SP100: variants seen among roughly 807,000 people sequenced by gnomAD.
SP100 encodes nuclear autoantigen Sp-100.
In SP100, 84 loss-of-function variants were observed where a neutral mutation model predicts 130.0. The ratio of observed to expected loss-of-function variants is 0.65; its 90% CI spans 0.54 to 0.77. SP100 has a LOEUF of 0.77. Ranked by LOEUF, SP100 falls within the 30% of genes least tolerant of loss-of-function variation. The probability of loss-of-function intolerance (pLI) is 0.00; values close to 1 mark genes in which losing one functional copy is unlikely to be tolerated. For synonymous variants in SP100, 331 were observed against 351.7 expected, an observed-to-expected ratio of 0.94 and a Z score of 0.66; for missense variants, 978 against 1,052.2, an observed-to-expected ratio of 0.93 and a Z score of 0.97.
rs7575705 is a variant in SP100 at position 230,544,686 on chromosome 2, G to C, written c.*1740G>C. ...AGTAGAGACGGGGTTTCTCCACATT[G>C]GTCAGGCTGGTCTTGAACTCCCGAC... On this transcript the variant is annotated 3_prime_UTR_variant, in exon 29 of 29. Transcript: ENST00000340126. Among the ~76,000 whole-genome samples the C allele has an allele frequency of 4.5e-3, 691 of 152,218 alleles. 4 individuals carry two copies. The highest frequency in any genetic ancestry group is 0.016 in the African/African-American group (672 of 41,522).
intron 17 of SP100, among the ~76,000 whole-genome samples, chr2:230,474,720 T>G (rs2065453612): frequency 6.6e-6 from 1 of 152,156 alleles, no homozygotes; most frequent in Non-Finnish European, 1.5e-5. Context: ...GTGTCTCTTG[T>G]TCTCATCTTC....
At chr2:230,436,266 G>A (rs549841967) in intron 2 of SP100, among the ~76,000 whole-genome samples, 20 of 151,718 alleles carry the variant, frequency 1.3e-4, no homozygotes, top group South Asian at 8.3e-4. Context: ...AATGTATGTC[G>A]TTCCAAATAA....
At chr2:230,485,945 A>G (rs1297626746) in intron 17 of SP100, among the ~76,000 whole-genome samples, 4 of 152,238 alleles carry the variant, frequency 2.6e-5, no homozygotes, top group Non-Finnish European at 5.9e-5. Flanking sequence ...TACTTCTGAT[A>G]CTAAGGAAGA....
At position 230,481,024 on chromosome 2, in the gene SP100, TTGG is replaced by T. The variant is rs80161443; in HGVS notation, c.1600+6610_1600+6612del. Among the ~76,000 whole-genome samples the T allele has an allele frequency of 3.3e-3, 471 of 144,306 alleles. 5 individuals are homozygous for T. The highest frequency in any genetic ancestry group is 4.9e-3 in the African/African-American group (190 of 39,072). The allele number at this position is 144,306 out of a possible 152,430, so 94.7% of individuals were successfully genotyped here. On this transcript the variant is annotated intron_variant, in intron 17 of 28. Coordinates refer to ENST00000340126, the MANE Select transcript of SP100 (RefSeq NM_001080391.2). ...GGTGGTAGTGTGGATAGTGGTAGTA[TTGG>T]TGGTGGTGGTGGTGGTGGTGGTGGT...
intron 2 of SP100, among the ~76,000 whole-genome samples, chr2:230,422,682 C>T (rs2062803211): frequency 6.6e-6 from 1 of 152,156 alleles, no homozygotes; most frequent in South Asian, 2.1e-4. Flanking sequence ...CTGCCTCTAA[C>T]TCTCTCTTAT....
chr2:230,521,760 G>T (rs1691181698), intron 24 of SP100, among the ~76,000 whole-genome samples: 1 of 152,124 alleles, frequency 6.6e-6, no homozygotes, highest in African/African-American at 2.4e-5. Context: ...CTAAGCAGCT[G>T]CCCACTCAGT....
chr2:230,524,184 A>T (rs1480324703), intron 24 of SP100, among the ~76,000 whole-genome samples: 1 of 139,416 alleles, frequency 7.2e-6, no homozygotes, highest in Non-Finnish European at 1.6e-5. Context: ...AAATACAAAA[A>T]AAAAAAAAAA....
chr2:230,540,339 T>C (rs1349224523), intron 25 of SP100, among the ~76,000 whole-genome samples: 2 of 152,162 alleles, frequency 1.3e-5, no homozygotes, highest in African/African-American at 4.8e-5. Flanking sequence ...TAGGAACAAA[T>C]GAAAGATATC....
chr2:230,542,841 T>C lies in SP100; in HGVS notation c.2553T>C (p.Asp851=). The C allele has an allele frequency of 6.2e-7, 1 of 1,602,048 alleles. No individual in the cohort carries two copies. Among genetic ancestry groups the C allele is most frequent in the Non-Finnish European group, 8.6e-7 (1 of 1,169,362 alleles). Residue 851 remains aspartate, a synonymous_variant, in exon 29 of 29, where the codon GAT becomes GAC. Transcript: ENST00000340126. The stretch of plus-strand genomic sequence containing the variant: ...TTTTTTCTTTGCTTTTTTAGGAAGA[T>C]AAATTCACCAGACTGGGAATTCAAG... The part of the protein sequence containing the change: ...FHNHKEFYRE[D]KFTRLGIQVQ...
intron 18 of SP100, among the ~76,000 whole-genome samples, chr2:230,495,049 A>G (rs1365966911): frequency 1.3e-5 from 2 of 152,210 alleles, no homozygotes; most frequent in Non-Finnish European, 2.9e-5. Flanking sequence ...CAGACTCTCC[A>G]TTTATTCAGA....
intron 24 of SP100, among the ~76,000 whole-genome samples, chr2:230,521,508 T>G (rs1258968638): frequency 6.6e-6 from 1 of 152,220 alleles, no homozygotes; most frequent in Non-Finnish European, 1.5e-5. Flanking sequence ...ATTTCTGCCC[T>G]ATAAACCCCT....
intron 2 of SP100, among the ~76,000 whole-genome samples, chr2:230,440,178 C>T (rs1414645284): frequency 6.6e-6 from 1 of 151,812 alleles, no homozygotes; most frequent in African/African-American, 2.4e-5. Flanking sequence ...TGAAATGAGA[C>T]CAAAAAATAG....
In SP100 at chr2:230,446,800, T is replaced by C; in HGVS notation, c.440-19T>C. 1 of 1,512,704 alleles carries C rather than the reference T, an allele frequency of 6.6e-7. No homozygotes were observed. Among genetic ancestry groups the C allele is most frequent in the East Asian group, 2.3e-5 (1 of 44,200 alleles). 93.7% of individuals were successfully genotyped at this position (1,512,704 alleles called of 1,614,324 possible). On this transcript the variant is annotated intron_variant, in intron 4 of 28. Transcript: ENST00000340126. ...TCCCTGTAGATCTCTAATTGCTTCT[T>C]CTCTCTCCCACTCTTCAGTAATCCA...
At chr2:230,511,470 G>A (rs1221883016) in intron 24 of SP100, among the ~76,000 whole-genome samples, 1 of 152,150 alleles carries the variant, frequency 6.6e-6, no homozygotes, top group African/African-American at 2.4e-5. Flanking sequence ...GGACAGGGCT[G>A]GCCTGCCGAT....
intron 19 of SP100, among the ~76,000 whole-genome samples, chr2:230,502,330 C>G (rs759588360): frequency 6.6e-6 from 1 of 152,194 alleles, no homozygotes; most frequent in Non-Finnish European, 1.5e-5. Flanking sequence ...ATTTTCAGTA[C>G]AAAACCTTCC....
At position 230,469,986 on chromosome 2, in the gene SP100, C is replaced by T. The variant is rs752532630; in HGVS notation, c.1346-29C>T. On this transcript the variant is annotated intron_variant, in intron 14 of 28. Transcript: ENST00000340126. ...CTGATTCCTAAGACTCAGACTAAGA[C>T]TGTTAAGGAATTTTATTTTTTTCTG... 3.1e-6 allele frequency: 5 copies of T among 1,599,194 alleles called. No individual in the cohort carries two copies. In the East Asian group the frequency reaches 1.1e-4, roughly 36 times the overall value.
chr2:230,478,105 T>A (rs1389453828), intron 17 of SP100, among the ~76,000 whole-genome samples: 1 of 152,218 alleles, frequency 6.6e-6, no homozygotes, highest in East Asian at 1.9e-4. Flanking sequence ...TATGTGTTGC[T>A]ATGAATATCT....
intron 2 of SP100, among the ~76,000 whole-genome samples, chr2:230,437,764 G>C (rs1203614069): frequency 6.6e-6 from 1 of 151,918 alleles, no homozygotes; most frequent in Non-Finnish European, 1.5e-5. Flanking sequence ...CACTATGTTG[G>C]TCAGGCTGGT....
intron 2 of SP100, among the ~76,000 whole-genome samples, chr2:230,431,818 T>C (rs1446177953): frequency 6.6e-6 from 1 of 152,216 alleles, no homozygotes; most frequent in Non-Finnish European, 1.5e-5. Context: ...AAGAAAAATG[T>C]GGCTCACTAA....
Sources: gnomAD v4.1 joint callset for allele counts (sites outside exome capture counted in the v4.1 genomes callset) on GRCh38, gnomAD v4.1.1 for gene constraint, MANE v1.5 for transcripts, NCBI Gene and HGNC (gene_info 2026-07-23, HGNC 2026-07-21) for gene names.